Variants in ARHGEF4 observed in about 807,000 individuals in gnomAD.
The protein encoded by ARHGEF4 is APC-stimulated guanine nucleotide exchange factor 1.
In ARHGEF4, 119 loss-of-function variants were observed where a neutral mutation model predicts 162.0. The ratio of observed to expected loss-of-function variants is 0.73; its 90% confidence interval spans 0.63 to 0.86. ARHGEF4 has a LOEUF of 0.86. Among genes scored for constraint, ARHGEF4 ranks in the 40% least tolerant of loss-of-function variants. The pLI, the probability that ARHGEF4 is intolerant of heterozygous loss-of-function variation, is 0.00. For missense variants in ARHGEF4, 2,488 were observed against 2,456.0 expected (o/e 1.01, Z -0.28); for synonymous variants, 1,014 against 979.9 (o/e 1.03, Z -0.65).
intron 1 of ARHGEF4, among the ~76,000 whole-genome samples, chr2:130,839,321 A>T (rs1195058097): frequency 6.6e-6 from 1 of 152,148 alleles, no homozygotes; most frequent in Non-Finnish European, 1.5e-5. Flanking sequence ...CCTATGAGGT[A>T]CCCCTGATGA....
At chr2:130,973,638 T>A (rs1199216551) in intron 4 of ARHGEF4, among the ~76,000 whole-genome samples, 1 of 152,204 alleles carries the variant, frequency 6.6e-6, no homozygotes, top group Non-Finnish European at 1.5e-5. Flanking sequence ...CTCCAGGAGC[T>A]TCCCATACAG....
intron 4 of ARHGEF4, among the ~76,000 whole-genome samples, chr2:130,982,771 A>T (rs1463215577): frequency 6.6e-6 from 1 of 152,140 alleles, no homozygotes; most frequent in Non-Finnish European, 1.5e-5. Flanking sequence ...TTACTTACTG[A>T]TTCCTACTGC....
intron 4 of ARHGEF4, chr2:131,011,729 T>C (rs1688463033): frequency 1.5e-6 from 2 of 1,304,418 alleles, no homozygotes; most frequent in Non-Finnish European, 2.1e-6. Context: ...TTGGATGCTG[T>C]GGTAAGGAGT....
intron 4 of ARHGEF4, among the ~76,000 whole-genome samples, chr2:130,960,974 C>A (rs553670302): frequency 6.6e-6 from 1 of 152,172 alleles, no homozygotes; most frequent in East Asian, 1.9e-4. Context: ...GCATGGGGCT[C>A]GGCTGTCTGG....
intron 3 of ARHGEF4, among the ~76,000 whole-genome samples, chr2:130,936,378 G>C (rs1307973840): frequency 6.6e-6 from 1 of 152,110 alleles, no homozygotes; most frequent in Non-Finnish European, 1.5e-5. Context: ...ATATCTTCTT[G>C]ATGAACTGAC....
At chr2:130,844,625 G>A (rs1228605523) in intron 1 of ARHGEF4, among the ~76,000 whole-genome samples, 2 of 152,056 alleles carry the variant, frequency 1.3e-5, no homozygotes, top group South Asian at 2.1e-4. Flanking sequence ...CTTTGTGATG[G>A]TGATGGCCCC....
rs1194087662 is a variant in ARHGEF4 at position 130,916,541 on chromosome 2, C to G, written c.2595C>G (p.Gly865=). Residue 865 remains glycine (G), a synonymous_variant, in exon 2 of 14, where the codon GGC becomes GGG. Transcript: ENST00000409359. ...CCGAGTTTGTCCCGCAGGCTGCAGG[C>G]GACAGGACTGCAGGGCCGGCAGGAG... The part of the protein sequence containing the change: ...AWPEFVPQAA[G]DRTAGPAGAG... The G allele has an allele frequency of 6.5e-7, 1 of 1,549,922 alleles. No individual in the cohort carries two copies. Among genetic ancestry groups the G allele is most frequent in the Non-Finnish European group, 8.7e-7 (1 of 1,146,920 alleles).
intron 1 of ARHGEF4, among the ~76,000 whole-genome samples, chr2:130,905,190 T>C (rs2105026993): frequency 6.6e-6 from 1 of 152,382 alleles, no homozygotes; most frequent in East Asian, 1.9e-4. Context: ...GCACATTCTC[T>C]ATTTTCTTTT....
intron 4 of ARHGEF4, among the ~76,000 whole-genome samples, chr2:131,020,524 T>C (rs1276526757): frequency 6.6e-6 from 1 of 152,136 alleles, no homozygotes; most frequent in African/African-American, 2.4e-5. Context: ...CATGAACTCA[T>C]CCTTTTTTAT....
intron 2 of ARHGEF4, among the ~76,000 whole-genome samples, chr2:130,927,221 G>A (rs1682349587): frequency 6.6e-6 from 1 of 152,110 alleles, no homozygotes; most frequent in Non-Finnish European, 1.5e-5. Context: ...CCTTGTGAAT[G>A]CTAGCTGGTG....
intron 1 of ARHGEF4, among the ~76,000 whole-genome samples, chr2:130,850,530 A>T (rs1681336833): frequency 6.6e-6 from 1 of 152,108 alleles, no homozygotes; most frequent in Non-Finnish European, 1.5e-5. Context: ...CCAATTCCGA[A>T]TTGCCCAACA....
chr2:130,855,444 T>C (rs1681712600), intron 1 of ARHGEF4, among the ~76,000 whole-genome samples: 1 of 152,206 alleles, frequency 6.6e-6, no homozygotes, highest in Non-Finnish European at 1.5e-5. Flanking sequence ...GTACAGAAGG[T>C]GGAGTCCAGG....
chr2:131,039,577 G>A lies in ARHGEF4; in HGVS notation c.4306-439G>A, dbSNP rs1023264319. The A allele has an allele frequency of 3.9e-6, 4 of 1,038,846 alleles. No individual in the cohort carries two copies. In the African/African-American group the frequency reaches 6.9e-5, roughly 18 times the overall value. 64.4% of individuals were successfully genotyped at this position (1,038,846 alleles called of 1,614,324 possible). A position where few individuals can be genotyped will look rare whatever the true frequency, so the allele number is the denominator to read the frequency against. On this transcript the variant is annotated intron_variant, in intron 6 of 13. Transcript: ENST00000409359. ...CGGCGGGGAGGTCCCAGGCCCTGGT[G>A]TTCAGATGCTCCTCCTGCCCCAGAT...
At chr2:130,837,477 G>C (rs1335838357) in intron 1 of ARHGEF4, 3 of 350,582 alleles carry the variant, frequency 8.6e-6, no homozygotes, top group Non-Finnish European at 5.6e-6. Context: ...GAGAGTACGC[G>C]AGGGCGCAGC....
At chr2:130,842,675 A>C (rs1410737476) in intron 1 of ARHGEF4, among the ~76,000 whole-genome samples, 3 of 152,170 alleles carry the variant, frequency 2.0e-5, no homozygotes, top group Non-Finnish European at 4.4e-5. Context: ...CTGGAGTTCC[A>C]CATCTTCCAC....
In ARHGEF4 at chr2:130,845,794, C is replaced by T. The variant is rs76119255; in HGVS notation, c.39+8802C>T. Among the ~76,000 whole-genome samples the T allele has an allele frequency of 5.3e-4, 80 of 152,318 alleles. No individual in the cohort carries two copies. In the East Asian group the frequency reaches 0.015, roughly 29 times the overall value. On this transcript the variant is annotated intron_variant, in intron 1 of 13. Coordinates refer to ENST00000409359, the MANE Select transcript of ARHGEF4 (RefSeq NM_001367493.1). ...AGCACTAGGAGGGAGGGAACTGCTG[C>T]CATACACATCAGGCCGGATGGGCCT...
chr2:130,894,077 A>G (rs1248707390), intron 1 of ARHGEF4, among the ~76,000 whole-genome samples: 1 of 152,256 alleles, frequency 6.6e-6, no homozygotes, highest in Non-Finnish European at 1.5e-5. Context: ...TACAGCTATC[A>G]GTGGGTACAG....
intron 1 of ARHGEF4, among the ~76,000 whole-genome samples, chr2:130,837,890 C>CA (rs1680316093): frequency 6.6e-6 from 1 of 152,226 alleles, no homozygotes; most frequent in Admixed American, 6.5e-5. Context: ...CTTGGCTGTG[C>CA]AGCCATCTTC....
rs377371299 is a variant in ARHGEF4, at chr2:131,040,374, C to T, written c.4596C>T (p.Ala1532=). ...IYRCQKAFVK[A]LEQRFNRERP... is the part of the protein sequence containing the mutation. ...GCTGCCAGAAGGCCTTCGTGAAGGC[C>T]CTGGAGCAGAGGTTCAACCGCGAGC... is the stretch of plus-strand genomic sequence containing the variant. The change falls in exon 8 of 14, where the codon GCC becomes GCT. Residue 1532 remains alanine (A), a synonymous_variant. Transcript: ENST00000409359. 8 of 1,610,602 alleles carry T rather than the reference C, an allele frequency of 5.0e-6. No homozygotes were observed. The African/African-American group carries it at 8.0e-5, about 16-fold the overall frequency.
Sources: allele counts gnomAD v4.1 joint callset (sites outside exome capture counted in the v4.1 genomes callset), GRCh38; gene constraint gnomAD v4.1.1; transcripts MANE v1.5; gene names NCBI Gene and HGNC (gene_info 2026-07-23, HGNC 2026-07-21).